The following DLG2 variants were observed in gnomAD, a reference collection of about 807,000 sequenced individuals.
DLG2 encodes the protein disks large homolog 2.
DLG2 carries 45 observed loss-of-function variants against 132.5 expected under a neutral mutation model. The observed-to-expected ratio is 0.34, with a 90% CI of 0.27 to 0.44. The LOEUF (loss-of-function observed/expected upper bound fraction) is 0.44, where lower values mean the gene tolerates loss of function less well. Among genes scored for constraint, DLG2 ranks in the 20% least tolerant of loss-of-function variants. The probability of loss-of-function intolerance (pLI) is 1.00; values close to 1 mark genes in which losing one functional copy is unlikely to be tolerated. For missense variants in DLG2, 1,045 were observed against 1,196.9 expected (o/e 0.87, Z 1.87); for synonymous variants, 424 against 419.6 (o/e 1.01, Z -0.13).
chr11:85,106,185 A>G (rs1367889729), intron 6 of DLG2, among the ~76,000 whole-genome samples: 1 of 151,770 alleles, frequency 6.6e-6, no homozygotes, highest in Non-Finnish European at 1.5e-5. Context: ...ACTGATTCCC[A>G]TAAAAGAGAG....
chr11:84,662,312 G>T (rs2099695260), intron 6 of DLG2, among the ~76,000 whole-genome samples: 1 of 151,766 alleles, frequency 6.6e-6, no homozygotes, highest in South Asian at 2.1e-4. Flanking sequence ...AAGTAGCTGG[G>T]ATTATAGGCA....
chr11:84,745,514 C>G (rs971923454), intron 6 of DLG2, among the ~76,000 whole-genome samples: 1 of 152,090 alleles, frequency 6.6e-6, no homozygotes, highest in African/African-American at 2.4e-5. Context: ...GAACTGTGAA[C>G]CAATTAAACC....
intron 18 of DLG2, among the ~76,000 whole-genome samples, chr11:83,763,981 T>C (rs922827893): frequency 5.3e-5 from 8 of 152,240 alleles, no homozygotes; most frequent in Non-Finnish European, 1.2e-4. Context: ...TTAGACCAGT[T>C]CAAGATATTT....
At chr11:84,954,253 G>A (rs1566496143) in intron 6 of DLG2, among the ~76,000 whole-genome samples, 1 of 151,264 alleles carries the variant, frequency 6.6e-6, no homozygotes, top group Non-Finnish European at 1.5e-5. Flanking sequence ...TTCACCAACT[G>A]AGTCACAACA....
At chr11:84,232,435 T>C (rs1325950096) in intron 8 of DLG2, among the ~76,000 whole-genome samples, 1 of 152,180 alleles carries the variant, frequency 6.6e-6, no homozygotes, top group African/African-American at 2.4e-5. Context: ...TTGGAGTTGT[T>C]TGAAATTCAG....
intron 11 of DLG2, among the ~76,000 whole-genome samples, chr11:84,002,243 T>C (rs1395696547): frequency 6.6e-6 from 1 of 152,142 alleles, no homozygotes; most frequent in Non-Finnish European, 1.5e-5. Flanking sequence ...GATACATGCA[T>C]TAGTCTGTTT....
At chr11:84,669,272 G>A (rs1309320289) in intron 6 of DLG2, among the ~76,000 whole-genome samples, 1 of 152,030 alleles carries the variant, frequency 6.6e-6, no homozygotes, top group African/African-American at 2.4e-5. Context: ...GAAATGGCAA[G>A]GAAGCTGAAA....
At chr11:85,004,562 C>A (rs562976497) in intron 6 of DLG2, among the ~76,000 whole-genome samples, 1 of 151,708 alleles carries the variant, frequency 6.6e-6, no homozygotes, top group Admixed American at 6.6e-5. Context: ...CGTTTTGATG[C>A]GGTTGATTTT....
chr11:84,182,167 A>G (rs1362192394), intron 8 of DLG2, among the ~76,000 whole-genome samples: 3 of 152,208 alleles, frequency 2.0e-5, no homozygotes, highest in Non-Finnish European at 4.4e-5. Flanking sequence ...AATAGATACA[A>G]TGTCTGTTCT....
At chr11:84,292,352 C>G (rs2098014169) in intron 7 of DLG2, among the ~76,000 whole-genome samples, 1 of 152,128 alleles carries the variant, frequency 6.6e-6, no homozygotes, top group Admixed American at 6.5e-5. Context: ...GAGTTTTATG[C>G]TAGGTAAGTT....
chr11:84,503,604 T>A (rs1211695850), intron 7 of DLG2, among the ~76,000 whole-genome samples: 1 of 152,166 alleles, frequency 6.6e-6, no homozygotes, highest in Non-Finnish European at 1.5e-5. Context: ...GTGGCCAAGC[T>A]ACCCTCATTT....
chr11:83,974,701 C>A (rs2091936417), intron 12 of DLG2, among the ~76,000 whole-genome samples: 1 of 151,908 alleles, frequency 6.6e-6, no homozygotes, highest in African/African-American at 2.4e-5. Flanking sequence ...TTGGAAATAC[C>A]AATCTAATAT....
intron 3 of DLG2, among the ~76,000 whole-genome samples, chr11:85,597,851 A>G (rs2079881673): frequency 6.6e-6 from 1 of 151,640 alleles, no homozygotes; most frequent in Non-Finnish European, 1.5e-5. Flanking sequence ...AATCTGGCAA[A>G]ATATATTGTA....
At chr11:83,578,487 A>G (rs2096918748) in intron 19 of DLG2, among the ~76,000 whole-genome samples, 1 of 152,136 alleles carries the variant, frequency 6.6e-6, no homozygotes, top group East Asian at 1.9e-4. Context: ...CGGATAAAAA[A>G]GAAAGATCCA....
At position 84,995,650 on chromosome 11, in the gene DLG2, C is replaced by T. The variant is rs540015252; in HGVS notation, c.357+116011G>A. On this transcript the variant is annotated intron_variant, in intron 6 of 27. Coordinates refer to ENST00000376104, the MANE Select transcript of DLG2 (RefSeq NM_001142699.3). ...GAATTTGAATTTTTAATTCTTGGAA[C>T]ATTTGAGAGATTGTCTTATTCATAT... Among the ~76,000 whole-genome samples, 20 of 152,056 alleles carry T rather than the reference C, an allele frequency of 1.3e-4. No individual in the cohort carries two copies. In the South Asian group the frequency reaches 4.1e-3, roughly 32 times the overall value.
At chr11:84,826,193 T>C (rs572233796) in intron 6 of DLG2, among the ~76,000 whole-genome samples, 1 of 151,978 alleles carries the variant, frequency 6.6e-6, no homozygotes, top group East Asian at 2.0e-4. Flanking sequence ...TCCTTTGTGT[T>C]TCAAACAATC....
intron 18 of DLG2, among the ~76,000 whole-genome samples, chr11:83,767,329 T>C (rs1013685723): frequency 6.6e-6 from 1 of 152,180 alleles, no homozygotes; most frequent in Non-Finnish European, 1.5e-5. Flanking sequence ...GTAATAATTA[T>C]TTGATTAGAG....
intron 6 of DLG2, among the ~76,000 whole-genome samples, chr11:84,608,650 C>T (rs1009460063): frequency 3.9e-5 from 6 of 152,072 alleles, no homozygotes; most frequent in Non-Finnish European, 5.9e-5. Context: ...AGTTTTTTGC[C>T]GTGGCATCCA....
At chr11:85,570,518 T>C (rs1263287435) in intron 3 of DLG2, among the ~76,000 whole-genome samples, 2 of 152,158 alleles carry the variant, frequency 1.3e-5, no homozygotes, top group African/African-American at 2.4e-5. Flanking sequence ...TAAAATTCTC[T>C]TTGGCTTTGG....
Sources: allele counts gnomAD v4.1 joint callset (sites outside exome capture counted in the v4.1 genomes callset), GRCh38; gene constraint gnomAD v4.1.1; transcripts MANE v1.5; gene names NCBI Gene and HGNC (gene_info 2026-07-23, HGNC 2026-07-21).